Variants in MAP3K4 observed in about 807,000 individuals in gnomAD.
MAP3K4 encodes the protein mitogen-activated protein kinase kinase kinase 4.
A neutral mutation model predicts 185.6 loss-of-function variants in MAP3K4; 67 were observed. The observed-to-expected ratio is 0.36, with a 90% confidence interval of 0.30 to 0.44. The LOEUF (loss-of-function observed/expected upper bound fraction) is 0.44. Among genes scored for constraint, MAP3K4 ranks in the 20% least tolerant of loss-of-function variants. The pLI is 1.00. For missense variants in MAP3K4, 1,551 were observed against 1,995.1 expected, an observed-to-expected ratio of 0.78 and a Z score of 4.24; for synonymous variants, 702 against 710.4, an observed-to-expected ratio of 0.99 and a Z score of 0.19.
chr6:161,056,338 G>A lies in MAP3K4; in HGVS notation c.1707+6359G>A, dbSNP rs767374641. Among the ~76,000 whole-genome samples, 14 of 152,116 alleles carry A rather than the reference G, an allele frequency of 9.2e-5. No individual in the cohort carries two copies. Among genetic ancestry groups the A allele is most frequent in the Non-Finnish European group, 1.6e-4 (11 of 68,024 alleles). ...GAAGATGTGGGCACTGGGTGTGTTC[G>A]GTGCTGTTGGGGTGTCATTGCTTTT... On this transcript the variant is annotated intron_variant, in intron 3 of 26. Coordinates refer to ENST00000392142, the MANE Select transcript of MAP3K4 (RefSeq NM_005922.4). This position sits in a 1 kb window ranked among gnomAD's most constrained non-coding sequence, Gnocchi z 5.4.
chr6:161,040,116 T>A (rs1783382532), intron 2 of MAP3K4, among the ~76,000 whole-genome samples: 1 of 152,234 alleles, frequency 6.6e-6, no homozygotes, highest in African/African-American at 2.4e-5. Context: ...AATGTATGAA[T>A]ACCTCGTTTC....
Position 161,048,930 on chromosome 6 carries a change from G to A in MAP3K4, c.658G>A (p.Ala220Thr). The part of the protein sequence containing the change: ...ARQTSRTDCP[A>T]DRLKFFETLR... ...CCAGACTTCTAGGACTGACTGTCCAGCAGATCGTTTAAAGTTTTTTGAAAC... is the reference window on the plus strand; with the variant it reads ...CCAGACTTCTAGGACTGACTGTCCAACAGATCGTTTAAAGTTTTTTGAAAC... The change falls in exon 3 of 27, where the codon GCA becomes ACA. Residue 220 changes from alanine (A) to threonine (T), a missense_variant. Ala to Thr is a moderately conservative substitution (Grantham distance 58). Around this residue, in one of 16 missense-constraint regions of MAP3K4, gnomAD observed 69 missense variants for 124.8 expected, o/e 0.55. Coordinates refer to ENST00000392142, the MANE Select transcript of MAP3K4 (RefSeq NM_005922.4). The surrounding 1 kb of genome is among the most constrained non-coding windows in gnomAD (Gnocchi z 4.7). 1 of 1,614,064 alleles carries A rather than the reference G, an allele frequency of 6.2e-7. No homozygotes were observed. Among genetic ancestry groups the A allele is most frequent in the Non-Finnish European group, 8.5e-7 (1 of 1,179,990 alleles).
chr6:161,020,471 A>C (rs532608877), intron 1 of MAP3K4, among the ~76,000 whole-genome samples: 1 of 152,230 alleles, frequency 6.6e-6, no homozygotes, highest in Admixed American at 6.5e-5. Flanking sequence ...CATCCTGGCC[A>C]ACATGGTGAA....
rs1785784930 is a variant in MAP3K4 at position 161,087,437 on chromosome 6, G to A, written c.2557-251G>A. On this transcript the variant is annotated intron_variant, in intron 9 of 26. Coordinates refer to ENST00000392142, the MANE Select transcript of MAP3K4 (RefSeq NM_005922.4). This position sits in a 1 kb window ranked among gnomAD's most constrained non-coding sequence, Gnocchi z 4.9. ...TATTTTCTTTGTTGTTGAAAATAAA[G>A]CAGTGAGGAGGATGTCCAATAATCG... is the stretch of plus-strand genomic sequence containing the variant. Among the ~76,000 whole-genome samples, 1 of 152,200 alleles carries A rather than the reference G, an allele frequency of 6.6e-6. No individual in the cohort carries two copies. Among genetic ancestry groups the A allele is most frequent in the Non-Finnish European group, 1.5e-5 (1 of 68,048 alleles).
chr6:161,098,430 A>G lies in MAP3K4; in HGVS notation c.3674+3A>G. The G allele has an allele frequency of 6.2e-7, 1 of 1,612,084 alleles. No homozygotes were observed. The highest frequency in any genetic ancestry group is 8.5e-7 in the Non-Finnish European group (1 of 1,178,706). On this transcript the variant is annotated splice_donor_region_variant and intron_variant, in intron 17 of 26. Transcript: ENST00000392142. The surrounding 1 kb of genome is among the most constrained non-coding windows in gnomAD (Gnocchi z 4.4). ...ATCAGCAGTGCCCATGATACCAGGT[A>G]GTCTCACCCCACCAGTGTCCCGTAC...
In MAP3K4 at chr6:161,084,970, C is replaced by A. The variant is rs1187454920; in HGVS notation, c.2372+353C>A. ...GACCAGCCTGGCCAAGATGGTGAAA[C>A]CTCGTCTCTACTAAAAATACAAAAA... is the stretch of plus-strand genomic sequence containing the variant. On this transcript the variant is annotated intron_variant, in intron 7 of 26. Coordinates refer to ENST00000392142, the MANE Select transcript of MAP3K4 (RefSeq NM_005922.4). This position sits in a 1 kb window ranked among gnomAD's most constrained non-coding sequence, Gnocchi z 4.6. Among the ~76,000 whole-genome samples, 1 of 151,950 alleles carries A rather than the reference C, an allele frequency of 6.6e-6. No individual in the cohort carries two copies. The highest frequency in any genetic ancestry group is 2.4e-5 in the African/African-American group (1 of 41,344).
intron 1 of MAP3K4, among the ~76,000 whole-genome samples, chr6:161,026,030 GAC>G (rs1165727618): frequency 6.6e-6 from 1 of 152,108 alleles, no homozygotes; most frequent in East Asian, 1.9e-4. Context: ...TACCCACAGT[GAC>G]ACTGACATGT....
intron 5 of MAP3K4, among the ~76,000 whole-genome samples, chr6:161,078,862 G>A (rs1237308079): frequency 2.0e-5 from 3 of 152,190 alleles, no homozygotes; most frequent in African/African-American, 7.2e-5. Context: ...AAATCTTAAA[G>A]GGGTAGGGTC....
Position 161,077,561 on chromosome 6 carries a change from TG to T in MAP3K4, c.2098-3315del, listed in dbSNP as rs914863757. 6.6e-6 allele frequency among the ~76,000 whole-genome samples: 1 copy of T among 152,160 alleles called. No individual in the cohort carries two copies. Among genetic ancestry groups the T allele is most frequent in the Non-Finnish European group, 1.5e-5 (1 of 68,024 alleles). Reference sequence around the variant, plus strand: ...CTCCAGCTGCAGGTGGAGAGTAGGCTGGGGGTCCAGAGCAGATGTGAGAGGA... The same window carrying T: ...CTCCAGCTGCAGGTGGAGAGTAGGCTGGGGTCCAGAGCAGATGTGAGAGGA... On this transcript the variant is annotated intron_variant, in intron 5 of 26. Transcript: ENST00000392142. This position sits in a 1 kb window ranked among gnomAD's most constrained non-coding sequence, Gnocchi z 4.3.
At position 161,091,538 on chromosome 6, in the gene MAP3K4, G is replaced by C; in HGVS notation, c.3133G>C (p.Glu1045Gln). 6.2e-7 allele frequency: 1 copy of C among 1,610,352 alleles called. No homozygotes were observed. The highest frequency in any genetic ancestry group is 8.5e-7 in the Non-Finnish European group (1 of 1,178,650). Residue 1045 changes from glutamate (E) to glutamine (Q), a missense_variant and splice_region_variant, in exon 12 of 27, where the codon GAG becomes CAG. Physicochemically the swap from Glu to Gln is conservative, Grantham distance 29 (BLOSUM62 2). Around this residue, in one of 16 missense-constraint regions of MAP3K4, gnomAD observed 261 missense variants for 306.5 expected, o/e 0.85. Transcript: ENST00000392142. This position sits in a 1 kb window ranked among gnomAD's most constrained non-coding sequence, Gnocchi z 5.5. ...GATTCAGGGGTACAATTTTGGATTTGAGGTAGGTTCAAAATAAGAGGAAAC... is the reference window on the plus strand; with the variant it reads ...GATTCAGGGGTACAATTTTGGATTTCAGGTAGGTTCAAAATAAGAGGAAAC... ...AMIQGYNFGF[E>Q]YHKEVVRLMS... is the part of the protein sequence containing the mutation.
chr6:161,111,721 TA>T, intron 23 of MAP3K4, 114 bp from the exon 24 acceptor site: 1 of 1,019,974 alleles, frequency 9.8e-7, no homozygotes, highest in Non-Finnish European at 1.5e-6. Context: ...TCAAGTTTCA[TA>T]AGCCTTTCGA....
Position 161,034,433 on chromosome 6 carries a change from T to C in MAP3K4, c.327T>C (p.Ser109=), listed in dbSNP as rs775147128. The C allele has an allele frequency of 5.0e-6, 8 of 1,613,852 alleles. No homozygotes were observed. Among genetic ancestry groups the C allele is most frequent in the Non-Finnish European group, 5.1e-6 (6 of 1,179,820 alleles). The change falls in exon 2 of 27, where the codon AGT becomes AGC. Residue 109 remains serine, a synonymous_variant. Transcript: ENST00000392142. This position sits in a 1 kb window ranked among gnomAD's most constrained non-coding sequence, Gnocchi z 4.4. ...GGAATAATGTGGGGAGGCCAGCCAGTCGGTCTAATTTGAAAGGTGAGTCTT... is the reference window on the plus strand; with the variant it reads ...GGAATAATGTGGGGAGGCCAGCCAGCCGGTCTAATTTGAAAGGTGAGTCTT... ...HQRNNVGRPA[S]RSNLKEKMNA...
In MAP3K4 at chr6:161,049,968, C is replaced by G. The variant is rs758321565; in HGVS notation, c.1696C>G (p.Arg566Gly). The G allele has an allele frequency of 1.2e-6, 2 of 1,603,714 alleles. No individual in the cohort carries two copies. Among genetic ancestry groups the G allele is most frequent in the South Asian group, 2.2e-5 (2 of 89,074 alleles). ...ACGTATAGCATTGGTAAAGAACGAT[C>G]GTCCAGTGGAGGTAGGTTTCCAGTA... The part of the protein sequence containing the change: ...RARIALVKND[R>G]PVEFSEFPDP... The change falls in exon 3 of 27, where the codon CGT (arginine) becomes GGT (glycine). Residue 566 changes from arginine (R) to glycine (G), a missense_variant. Coordinates refer to ENST00000392142, the MANE Select transcript of MAP3K4 (RefSeq NM_005922.4). This position sits in a 1 kb window ranked among gnomAD's most constrained non-coding sequence, Gnocchi z 8.4.
At position 161,034,341 on chromosome 6, in the gene MAP3K4, A is replaced by T. The variant is rs373356929; in HGVS notation, c.235A>T (p.Asn79Tyr). ...CTTCTCCGATGAAACAAATACAGAG[A>T]ATCTTTATGGTACCTCTCCCCCCAG... ...EDFSDETNTE[N>Y]LYGTSPPSTP... Residue 79 changes from asparagine to tyrosine, a missense_variant, in exon 2 of 27, where the codon AAT (asparagine) becomes TAT (tyrosine). Around this residue, in one of 16 missense-constraint regions of MAP3K4, gnomAD observed 287 missense variants for 268.8 expected, o/e 1.07. Coordinates refer to ENST00000392142, the MANE Select transcript of MAP3K4 (RefSeq NM_005922.4). The surrounding 1 kb of genome is among the most constrained non-coding windows in gnomAD (Gnocchi z 4.4). The T allele has an allele frequency of 8.7e-6, 14 of 1,613,804 alleles. No individual in the cohort carries two copies. Among genetic ancestry groups the T allele is most frequent in the Non-Finnish European group, 1.2e-5 (14 of 1,179,878 alleles).
At chr6:161,079,319 TGTAATCCCA>T (rs1785333123) in intron 5 of MAP3K4, among the ~76,000 whole-genome samples, 1 of 151,612 alleles carries the variant, frequency 6.6e-6, no homozygotes, top group Non-Finnish European at 1.5e-5. Context: ...GGTTCACGCC[TGTAATCCCA>T]GCACTTTGGG....
At chr6:161,092,909 T>G (rs1777390753) in intron 13 of MAP3K4, 69 bp from the exon 14 acceptor site, 1 of 896,690 alleles carries the variant, frequency 1.1e-6, no homozygotes, top group African/African-American at 1.7e-5. Context: ...TTTTCAGTAT[T>G]GTACAGTCTA....
chr6:161,077,297 A>C lies in MAP3K4; in HGVS notation c.2098-3584A>C, dbSNP rs554103974. 1.3e-5 allele frequency among the ~76,000 whole-genome samples: 2 copies of C among 152,322 alleles called. No individual in the cohort carries two copies. The highest frequency in any genetic ancestry group is 4.8e-5 in the African/African-American group (2 of 41,578). On this transcript the variant is annotated intron_variant, in intron 5 of 26. Transcript: ENST00000392142. This position sits in a 1 kb window ranked among gnomAD's most constrained non-coding sequence, Gnocchi z 4.3. ...AAAAAAATATCTACATGTACCCCGG[A>C]ACTTAAAATAAAAATTAAAGAAAAA...
chr6:161,012,335 A>G (rs1374401880), intron 1 of MAP3K4, among the ~76,000 whole-genome samples: 2 of 152,122 alleles, frequency 1.3e-5, no homozygotes, highest in African/African-American at 2.4e-5. Context: ...AATCATTTCA[A>G]GTGGTGTTTC....
At chr6:161,060,618 C>CTTTT (rs35196179) in intron 3 of MAP3K4, among the ~76,000 whole-genome samples, 2 of 126,390 alleles carry the variant, frequency 1.6e-5, no homozygotes, top group Non-Finnish European at 1.7e-5. Context: ...TTTTCTTTTT[C>CTTTT]TTTTTTTTTT....
Sources: allele counts gnomAD v4.1 joint callset (sites outside exome capture counted in the v4.1 genomes callset), GRCh38; gene constraint gnomAD v4.1.1; regional missense constraint gnomAD v4.1.1; non-coding constraint Gnocchi (gnomAD v3.1); transcripts MANE v1.5; gene names NCBI Gene and HGNC (gene_info 2026-07-23, HGNC 2026-07-21).